The following SPG21 variants were observed in gnomAD, a reference collection of about 807,000 sequenced individuals.
SPG21 encodes the protein maspardin.
A neutral mutation model predicts 38.9 loss-of-function variants in SPG21; 26 were observed. That is an observed-to-expected ratio of 0.67 (90% CI 0.49 to 0.93). The LOEUF is 0.93. Ranked by LOEUF, SPG21 falls within the 40% of genes least tolerant of loss-of-function variation. SPG21 has a pLI of 0.00. For missense variants in SPG21, 333 were observed against 376.5 expected, an observed-to-expected ratio of 0.88 and a Z score of 0.96; for synonymous variants, 136 against 128.9, an observed-to-expected ratio of 1.05 and a Z score of -0.37.
At position 64,982,142 on chromosome 15, in the gene SPG21, C is replaced by CTTTTTTT. The variant is rs56118434; in HGVS notation, c.64-1124_64-1118dup. Among the ~76,000 whole-genome samples, 154 of 114,576 alleles carry CTTTTTTT rather than the reference C, an allele frequency of 1.3e-3. 1 individual carries two copies. Among genetic ancestry groups the CTTTTTTT allele is most frequent in the Non-Finnish European group, 1.5e-3 (90 of 58,922 alleles). The allele number at this position is 114,576 out of a possible 152,430, so 75.2% of individuals were successfully genotyped here. A position where few individuals can be genotyped will look rare whatever the true frequency, so the allele number is the denominator to read the frequency against. On this transcript the variant is annotated intron_variant, in intron 2 of 8. Coordinates refer to ENST00000204566, the MANE Select transcript of SPG21 (RefSeq NM_016630.7). ...CCACTCACATTTTTTCTTTTCTTTT[C>CTTTTTTT]TTTTTTTTTTTTTTTTTTTTGAGAC... is the stretch of plus-strand genomic sequence containing the variant.
intron 3 of SPG21, among the ~76,000 whole-genome samples, chr15:64,978,173 C>T (rs1566929389): frequency 6.7e-6 from 1 of 149,672 alleles, no homozygotes; most frequent in South Asian, 2.3e-4. Context: ...ACTGGCTGGG[C>T]GTGGTGGCTC....
intron 5 of SPG21, among the ~76,000 whole-genome samples, chr15:64,970,683 T>C (rs1049769880): frequency 6.6e-6 from 1 of 152,238 alleles, no homozygotes; most frequent in Non-Finnish European, 1.5e-5. Flanking sequence ...TACTATTAGA[T>C]TCAACTTGGC....
intron 7 of SPG21, among the ~76,000 whole-genome samples, chr15:64,967,470 C>CTTTTTTTTTTTTTTTTTTT (rs34545889): frequency 7.0e-6 from 1 of 143,844 alleles, no homozygotes. Context: ...GCTAATTTTC[C>CTTTTTTTTTTTTTTTTTTT]TTTTTTTTTT....
chr15:64,965,771 G>C (rs1387528831), intron 7 of SPG21, among the ~76,000 whole-genome samples: 1 of 148,866 alleles, frequency 6.7e-6, no homozygotes, highest in South Asian at 2.1e-4. Context: ...GTGTGATCTC[G>C]GCTCACTGCA....
chr15:64,971,651 G>A (rs1210928863), intron 5 of SPG21, among the ~76,000 whole-genome samples: 2 of 151,612 alleles, frequency 1.3e-5, no homozygotes, highest in African/African-American at 2.4e-5. Flanking sequence ...GCCTGGCCAA[G>A]ATGGTGAAAC....
intron 5 of SPG21, among the ~76,000 whole-genome samples, chr15:64,970,742 T>C (rs1455751981): frequency 6.6e-6 from 1 of 152,192 alleles, no homozygotes; most frequent in Non-Finnish European, 1.5e-5. Flanking sequence ...AAATTTATTA[T>C]TGTTATTATT....
At chr15:64,981,231 T>G (rs1201108547) in intron 2 of SPG21, 4 of 595,856 alleles carry the variant, frequency 6.7e-6, no homozygotes, top group Non-Finnish European at 8.8e-6. Context: ...CAGAACTACT[T>G]AGAACTACTT....
intron 2 of SPG21, among the ~76,000 whole-genome samples, chr15:64,981,967 A>G (rs2085893372): frequency 6.6e-6 from 1 of 152,158 alleles, no homozygotes; most frequent in Non-Finnish European, 1.5e-5. Context: ...TGTGGGTGGC[A>G]GCACACTAAC....
chr15:64,968,685 T>C lies in SPG21; in HGVS notation c.669+570A>G, dbSNP rs527561064. On this transcript the variant is annotated intron_variant, in intron 7 of 8. Transcript: ENST00000204566. ...ACTTAAAAATGGTTAAAATGGCATA[T>C]TTTAAATGTACATTTTACCACAATA... Among the ~76,000 whole-genome samples, 506 of 150,694 alleles carry C rather than the reference T, an allele frequency of 3.4e-3. 2 individuals carry two copies. Among genetic ancestry groups the C allele is most frequent in the African/African-American group, 0.012 (480 of 41,340 alleles).
Position 64,986,671 on chromosome 15 carries a change from G to C in SPG21, c.-25+2994C>G, listed in dbSNP as rs1289161518. On this transcript the variant is annotated intron_variant, in intron 1 of 8. Transcript: ENST00000204566. Reference sequence around the variant, plus strand: ...CTCCAGCCTGGGTGACAGAGTGAGAGTCTGTCTCAAAAACAAAACAAAACA... The same window carrying C: ...CTCCAGCCTGGGTGACAGAGTGAGACTCTGTCTCAAAAACAAAACAAAACA... Among the ~76,000 whole-genome samples, 7 of 147,356 alleles carry C rather than the reference G, an allele frequency of 4.8e-5. No homozygotes were observed. The East Asian group carries it at 1.4e-3, about 29-fold the overall frequency.
chr15:64,965,359 T>G lies in SPG21; in HGVS notation c.771A>C (p.Pro257=), dbSNP rs141785149. Residue 257 remains proline (P), a synonymous_variant, in exon 8 of 9, where the codon CCA becomes CCC. Coordinates refer to ENST00000204566, the MANE Select transcript of SPG21 (RefSeq NM_016630.7). The part of the protein sequence containing the change: ...RAHLKTGGNF[P]YLCRSAEVNL... ...TGACCTCTGCACTTCTGCACAGGTA[T>G]GGGAAATTGCCTCCTGTTTTCAGAT... 653 of 1,614,060 alleles carry G rather than the reference T, an allele frequency of 4.0e-4. No homozygotes were observed. Among genetic ancestry groups the G allele is most frequent in the Admixed American group, 6.3e-4 (38 of 59,976 alleles).
intron 7 of SPG21, among the ~76,000 whole-genome samples, chr15:64,968,504 A>C (rs1008465845): frequency 6.6e-6 from 1 of 152,212 alleles, no homozygotes; most frequent in Non-Finnish European, 1.5e-5. Context: ...TTTTATAGAC[A>C]GAAAATAAAA....
At chr15:64,979,386 G>A (rs1042659298) in intron 3 of SPG21, among the ~76,000 whole-genome samples, 2 of 152,192 alleles carry the variant, frequency 1.3e-5, no homozygotes, top group African/African-American at 4.8e-5. Context: ...GATGAGGGCA[G>A]TTCCCACCCT....
chr15:64,966,807 G>A (rs1271535126), intron 7 of SPG21, among the ~76,000 whole-genome samples: 1 of 152,110 alleles, frequency 6.6e-6, no homozygotes, highest in Non-Finnish European at 1.5e-5. Context: ...GCTGAGGCAG[G>A]AGAATGGCGT....
In SPG21 at chr15:64,981,061, T is replaced by C. The variant is rs4776659; in HGVS notation, c.64-36A>G. Reference sequence around the variant, plus strand: ...GGTTAAAAGAAAAAAGTGGAAAACCTTATAAATTTGCTTTTTATGTTATTT... The same window carrying C: ...GGTTAAAAGAAAAAAGTGGAAAACCCTATAAATTTGCTTTTTATGTTATTT... On this transcript the variant is annotated intron_variant, in intron 2 of 8. Coordinates refer to ENST00000204566, the MANE Select transcript of SPG21 (RefSeq NM_016630.7). 0.55 allele frequency: 891,695 copies of C among 1,612,688 alleles called. 252,663 individuals carry two copies. The highest frequency in any genetic ancestry group is 0.87 in the East Asian group (39,160 of 44,844).
At chr15:64,965,953 C>T (rs376740445) in intron 7 of SPG21, among the ~76,000 whole-genome samples, 3 of 152,102 alleles carry the variant, frequency 2.0e-5, no homozygotes, top group Non-Finnish European at 2.9e-5. Flanking sequence ...CTGCCCACCT[C>T]GGCCTCCCAA....
rs145274447 is a variant in SPG21, at chr15:64,972,905, G to C, written c.452+1697C>G. On this transcript the variant is annotated intron_variant, in intron 5 of 8. Coordinates refer to ENST00000204566, the MANE Select transcript of SPG21 (RefSeq NM_016630.7). ...TATCAGAGTGCAATTTTAAGTAGAT[G>C]TGAAAACGATATTTCCCTATACATT... 9.2e-5 allele frequency among the ~76,000 whole-genome samples: 14 copies of C among 152,268 alleles called. 1 individual carries two copies. The highest frequency in any genetic ancestry group is 3.4e-4 in the African/African-American group (14 of 41,570).
chr15:64,963,437 C>G lies in SPG21; in HGVS notation c.*183G>C. 1 of 599,826 alleles carries G rather than the reference C, an allele frequency of 1.7e-6. No individual in the cohort carries two copies. The highest frequency in any genetic ancestry group is 2.0e-5 in the South Asian group (1 of 48,792). 37.2% of individuals were successfully genotyped at this position (599,826 alleles called of 1,614,324 possible). A position where few individuals can be genotyped will look rare whatever the true frequency, so the allele number is the denominator to read the frequency against. ...AAAGCTAAGAAAACCAAAGAGGGAA[C>G]AGTTACACAGGCTTAGTGGAGATGC... On this transcript the variant is annotated 3_prime_UTR_variant, in exon 9 of 9. Transcript: ENST00000204566.
intron 2 of SPG21, 161 bp from the exon 3 acceptor site, chr15:64,981,186 A>T: frequency 1.3e-6 from 1 of 754,152 alleles, no homozygotes. Flanking sequence ...AACTCCTCTG[A>T]TCTCCTTTTC....
Sources: gnomAD v4.1 joint callset for allele counts (sites outside exome capture counted in the v4.1 genomes callset) on GRCh38, gnomAD v4.1.1 for gene constraint, MANE v1.5 for transcripts, NCBI Gene and HGNC (gene_info 2026-07-23, HGNC 2026-07-21) for gene names.